RBFOX1: variants seen among roughly 807,000 people sequenced by gnomAD.
The protein encoded by RBFOX1 is RNA binding fox-1 homolog 1.
A neutral mutation model predicts 57.7 loss-of-function variants in RBFOX1; 8 were observed. That is an observed-to-expected ratio of 0.14 (90% CI 0.08 to 0.25). The LOEUF is 0.25. RBFOX1 is among the 10% of genes least tolerant of loss of function. The pLI is 1.00. For missense variants in RBFOX1, 611 were observed against 548.5 expected (o/e 1.11, Z -1.14); for synonymous variants, 326 against 222.4 (o/e 1.47, Z -4.15).
intron 2 of RBFOX1, among the ~76,000 whole-genome samples, chr16:5,589,876 C>T (rs143414912): frequency 5.6e-4 from 86 of 152,232 alleles, no homozygotes; most frequent in African/African-American, 1.9e-3. Context: ...CAGAGGGTTG[C>T]TTTGCTGGAT....
chr16:6,256,255 A>ATATATATATGTATATATATATG (rs1555582552), intron 1 of RBFOX1, among the ~76,000 whole-genome samples: 4 of 110,374 alleles, frequency 3.6e-5, no homozygotes, highest in Admixed American at 1.0e-4. Context: ...ATGTATATAT[A>ATATATATATGTATATATATATG]TGTGTATATA....
chr16:5,751,911 A>G (rs1270768944), intron 3 of RBFOX1, among the ~76,000 whole-genome samples: 4 of 152,166 alleles, frequency 2.6e-5, no homozygotes, highest in Admixed American at 2.6e-4. Context: ...TGACCCAGCA[A>G]TCCCATTCCT....
chr16:5,816,661 A>G (rs574539514), intron 3 of RBFOX1, among the ~76,000 whole-genome samples: 7 of 152,142 alleles, frequency 4.6e-5, no homozygotes, highest in Non-Finnish European at 8.8e-5. Flanking sequence ...GATTGTGCCT[A>G]TAGTCCCAAC....
chr16:7,039,494 A>C (rs1327898455), intron 3 of RBFOX1, among the ~76,000 whole-genome samples: 2 of 152,186 alleles, frequency 1.3e-5, no homozygotes. Flanking sequence ...GGCTGACTTG[A>C]GTCATTGTTG....
At chr16:7,480,443 T>A (rs748915726) in intron 4 of RBFOX1, among the ~76,000 whole-genome samples, 6 of 152,216 alleles carry the variant, frequency 3.9e-5, no homozygotes, top group Non-Finnish European at 7.3e-5. Context: ...AGAAAGTGAA[T>A]GCAATAGACA....
At chr16:5,906,727 C>CTTTTTTTTTTTTTT (rs57589514) in intron 4 of RBFOX1, among the ~76,000 whole-genome samples, 2 of 71,490 alleles carry the variant, frequency 2.8e-5, no homozygotes, top group Non-Finnish European at 5.0e-5. Flanking sequence ...ATCCTAGATT[C>CTTTTTTTTTTTTTT]TTTTTTTTTT....
chr16:6,611,966 G>C (rs1016751394), intron 2 of RBFOX1, among the ~76,000 whole-genome samples: 10 of 151,086 alleles, frequency 6.6e-5, no homozygotes, highest in African/African-American at 2.4e-4. Flanking sequence ...TTCTGTTACC[G>C]TTCCTTCTTT....
Position 6,782,295 on chromosome 16 carries a change from G to T in RBFOX1, c.-16+127645G>T, listed in dbSNP as rs1392964802. Reference sequence around the variant, plus strand: ...GTTTTGTTTTCCTTTTTTGATACAGGCATTTATTGTTATAAACTACCATCT... The same window carrying T: ...GTTTTGTTTTCCTTTTTTGATACAGTCATTTATTGTTATAAACTACCATCT... On this transcript the variant is annotated intron_variant, in intron 3 of 15. Coordinates refer to ENST00000550418, the MANE Select transcript of RBFOX1 (RefSeq NM_018723.4). Among the ~76,000 whole-genome samples the T allele has an allele frequency of 2.6e-5, 4 of 152,076 alleles. No individual in the cohort carries two copies. The East Asian group carries it at 7.7e-4, about 29-fold the overall frequency.
At chr16:7,453,146 A>AT (rs1253953441) in intron 4 of RBFOX1, among the ~76,000 whole-genome samples, 1 of 151,630 alleles carries the variant, frequency 6.6e-6, no homozygotes. Context: ...AAAAAAAAAA[A>AT]AATTGCAATC....
chr16:5,835,946 G>A (rs1475097574), intron 3 of RBFOX1, among the ~76,000 whole-genome samples: 3 of 152,162 alleles, frequency 2.0e-5, no homozygotes, highest in Non-Finnish European at 2.9e-5. Flanking sequence ...TGGCGTCACA[G>A]GGAAGTTGGG....
chr16:7,013,175 C>T (rs1379347223), intron 3 of RBFOX1, among the ~76,000 whole-genome samples: 1 of 152,170 alleles, frequency 6.6e-6, no homozygotes, highest in South Asian at 2.1e-4. Flanking sequence ...TGCTCTGATA[C>T]TCATTGGCTT....
At chr16:5,508,862 C>T (rs932082323) in intron 2 of RBFOX1, among the ~76,000 whole-genome samples, 1 of 152,194 alleles carries the variant, frequency 6.6e-6, no homozygotes, top group African/African-American at 2.4e-5. Context: ...TCCTCATGGT[C>T]AAGTGGACCC....
intron 3 of RBFOX1, among the ~76,000 whole-genome samples, chr16:5,860,182 A>G (rs2057176850): frequency 6.6e-6 from 1 of 152,110 alleles, no homozygotes; most frequent in South Asian, 2.1e-4. Flanking sequence ...TCCTGGATTC[A>G]AGTGACTCTC....
Position 5,795,878 on chromosome 16 carries a change from C to T in RBFOX1, c.319-71425C>T, listed in dbSNP as rs891340904. 5.3e-5 allele frequency among the ~76,000 whole-genome samples: 8 copies of T among 152,176 alleles called. No homozygotes were observed. In the East Asian group the frequency reaches 1.5e-3, roughly 29 times the overall value. ...CATTAGAGCCTCACAGTCTCTGTTG[C>T]ATTTTCTAATGACTTAGTTCTTTTG... On this transcript the variant is annotated intron_variant, in intron 3 of 19. Coordinates refer to the RBFOX1 transcript ENST00000641259.
At chr16:5,985,423 A>G (rs535001733) in intron 4 of RBFOX1, among the ~76,000 whole-genome samples, 23 of 152,264 alleles carry the variant, frequency 1.5e-4, no homozygotes, top group Admixed American at 1.2e-3. Context: ...AATAGTTGCT[A>G]TTATGATTCC....
At chr16:7,231,127 G>A (rs1019763869) in intron 4 of RBFOX1, among the ~76,000 whole-genome samples, 4 of 152,174 alleles carry the variant, frequency 2.6e-5, no homozygotes, top group African/African-American at 9.7e-5. Flanking sequence ...GTTTGGATCA[G>A]ATAGGTTTTG....
chr16:7,486,629 C>T (rs751526515), intron 4 of RBFOX1, among the ~76,000 whole-genome samples: 22 of 152,184 alleles, frequency 1.4e-4, no homozygotes, highest in Non-Finnish European at 1.9e-4. Context: ...GTTCACATGA[C>T]GAGCTCATTT....
intron 2 of RBFOX1, among the ~76,000 whole-genome samples, chr16:6,548,833 T>TG (rs2096931023): frequency 6.6e-6 from 1 of 151,910 alleles, no homozygotes; most frequent in African/African-American, 2.4e-5. Context: ...CCTAGCACTT[T>TG]GGGAGGCCAA....
At chr16:7,412,265 A>C (rs1034694323) in intron 4 of RBFOX1, among the ~76,000 whole-genome samples, 1 of 151,680 alleles carries the variant, frequency 6.6e-6, no homozygotes, top group South Asian at 2.1e-4. Flanking sequence ...AAATACAAAA[A>C]TTAGCCAGGC....
Sources: gnomAD v4.1 joint callset for allele counts (sites outside exome capture counted in the v4.1 genomes callset) on GRCh38, gnomAD v4.1.1 for gene constraint, MANE v1.5 for transcripts, NCBI Gene and HGNC (gene_info 2026-07-23, HGNC 2026-07-21) for gene names.